Variants in TNFRSF21 observed in about 807,000 individuals in gnomAD.
TNFRSF21 encodes tumor necrosis factor receptor superfamily member 21.
A neutral mutation model predicts 45.6 loss-of-function variants in TNFRSF21; 19 were observed. The observed-to-expected ratio is 0.42, with a 90% confidence interval of 0.29 to 0.61. The LOEUF (loss-of-function observed/expected upper bound fraction) is 0.61, where lower values mean the gene tolerates loss of function less well. Ranked by LOEUF, TNFRSF21 falls within the 20% of genes least tolerant of loss-of-function variation. The pLI is 0.23. For missense variants in TNFRSF21, 737 were observed against 851.5 expected (o/e 0.87, Z 1.67); for synonymous variants, 314 against 335.5 (o/e 0.94, Z 0.70).
chr6:47,261,568 G>T (rs1765074469), intron 3 of TNFRSF21, among the ~76,000 whole-genome samples: 1 of 152,142 alleles, frequency 6.6e-6, no homozygotes, highest in South Asian at 2.1e-4. Flanking sequence ...TGAGAAGAAA[G>T]GACAACAGTT....
intron 3 of TNFRSF21, among the ~76,000 whole-genome samples, chr6:47,262,131 C>T (rs745611370): frequency 1.2e-4 from 18 of 151,828 alleles, no homozygotes; most frequent in Non-Finnish European, 1.8e-4. Flanking sequence ...TTGGGGACTA[C>T]TAAGAAAGAG....
At chr6:47,302,310 C>T (rs1287436988) in intron 1 of TNFRSF21, among the ~76,000 whole-genome samples, 3 of 152,130 alleles carry the variant, frequency 2.0e-5, no homozygotes, top group African/African-American at 4.8e-5. Context: ...GGTACAAGCC[C>T]GTGCACTTAC....
chr6:47,265,397 G>GTTTTGT (rs1561943733), intron 3 of TNFRSF21, among the ~76,000 whole-genome samples: 1 of 149,962 alleles, frequency 6.7e-6, no homozygotes, highest in Non-Finnish European at 1.5e-5. Flanking sequence ...GTTTTGTTTT[G>GTTTTGT]TTTTTTTTAA....
chr6:47,282,160 C>T (rs888344859), intron 3 of TNFRSF21, among the ~76,000 whole-genome samples: 26 of 151,948 alleles, frequency 1.7e-4, no homozygotes, highest in East Asian at 5.8e-4. Context: ...CCGAGGCGGG[C>T]GGATCACCTG....
chr6:47,276,964 C>T (rs1177353537), intron 3 of TNFRSF21, among the ~76,000 whole-genome samples: 1 of 152,032 alleles, frequency 6.6e-6, no homozygotes, highest in Non-Finnish European at 1.5e-5. Context: ...GTTGCTCCTA[C>T]CTAAGTACAG....
chr6:47,267,634 G>C (rs1762354727), intron 3 of TNFRSF21, among the ~76,000 whole-genome samples: 1 of 152,062 alleles, frequency 6.6e-6, no homozygotes, highest in Admixed American at 6.6e-5. Flanking sequence ...CTGGCCTTGT[G>C]GGAAAGAAAA....
At chr6:47,268,047 C>T (rs188487385) in intron 3 of TNFRSF21, among the ~76,000 whole-genome samples, 2 of 152,352 alleles carry the variant, frequency 1.3e-5, no homozygotes, top group Non-Finnish European at 2.9e-5. Flanking sequence ...CACACCTCCA[C>T]TCCTCCTTCT....
In TNFRSF21 at chr6:47,271,773, TCACACGCACA is replaced by T. The variant is rs1762423210; in HGVS notation, c.1243+12155_1243+12164del. 2.0e-5 allele frequency among the ~76,000 whole-genome samples: 3 copies of T among 152,008 alleles called. No homozygotes were observed. The South Asian group carries it at 6.2e-4, about 32-fold the overall frequency. ...TTGTGCTGTATTCAGGAGACCCATC[TCACACGCACA>T]CACACACATAGGCTCAAAATAAGGG... is the stretch of plus-strand genomic sequence containing the variant. On this transcript the variant is annotated intron_variant, in intron 3 of 5. Transcript: ENST00000296861.
chr6:47,304,177 A>G (rs1762907439), intron 1 of TNFRSF21, among the ~76,000 whole-genome samples: 1 of 152,162 alleles, frequency 6.6e-6, no homozygotes, highest in Admixed American at 6.5e-5. Flanking sequence ...GAAAGCCAAC[A>G]GAATATTAGT....
chr6:47,260,795 GCATCTAAGAGA>G (rs1157143501), intron 3 of TNFRSF21, among the ~76,000 whole-genome samples: 1 of 152,174 alleles, frequency 6.6e-6, no homozygotes, highest in Non-Finnish European at 1.5e-5. Context: ...CAGAATGGGT[GCATCTAAGAGA>G]CAGGTTTATA....
intron 5 of TNFRSF21, among the ~76,000 whole-genome samples, 158 bp from the exon 6 acceptor site, chr6:47,233,152 G>A (rs1401837525): frequency 6.6e-6 from 1 of 152,102 alleles, no homozygotes; most frequent in East Asian, 1.9e-4. Flanking sequence ...TGATCCTCTG[G>A]CACATTCGAA....
chr6:47,309,611 C>A lies in TNFRSF21; in HGVS notation c.-100G>T. On this transcript the variant is annotated 5_prime_UTR_variant, in exon 1 of 6. Coordinates refer to ENST00000296861, the MANE Select transcript of TNFRSF21 (RefSeq NM_014452.5). ...CCGCATCCACCGCCGCCTCCCGGGCCGGGAGCCCATCTACCTCCAACACCC... is the reference window on the plus strand; with the variant it reads ...CCGCATCCACCGCCGCCTCCCGGGCAGGGAGCCCATCTACCTCCAACACCC... The A allele has an allele frequency of 7.3e-7, 1 of 1,363,390 alleles. No homozygotes were observed. The highest frequency in any genetic ancestry group is 3.1e-5 in the East Asian group (1 of 32,318). The allele number at this position is 1,363,390 out of a possible 1,614,324, so 84.5% of individuals were successfully genotyped here. A position where few individuals can be genotyped will look rare whatever the true frequency, so the allele number is the denominator to read the frequency against.
At chr6:47,281,830 G>T (rs1488879226) in intron 3 of TNFRSF21, among the ~76,000 whole-genome samples, 2 of 142,344 alleles carry the variant, frequency 1.4e-5, no homozygotes, top group Admixed American at 6.8e-5. Flanking sequence ...CAAATAAAAA[G>T]ATTTTTTTTT....
chr6:47,245,819 C>T (rs1456379276), intron 4 of TNFRSF21, among the ~76,000 whole-genome samples: 2 of 152,136 alleles, frequency 1.3e-5, no homozygotes, highest in Middle Eastern at 3.2e-3. Context: ...CATATGCTCA[C>T]GGTTCTGCAA....
chr6:47,247,327 A>G lies in TNFRSF21; in HGVS notation c.1509+5929T>C, dbSNP rs998237598. ...CATGAATTAAGTAACTTGACCTTAA[A>G]TAACCCTCCATGCTGCAGTAACACA... is the stretch of plus-strand genomic sequence containing the variant. On this transcript the variant is annotated intron_variant, in intron 4 of 5. Coordinates refer to ENST00000296861, the MANE Select transcript of TNFRSF21 (RefSeq NM_014452.5). Among the ~76,000 whole-genome samples the G allele has an allele frequency of 2.0e-5, 3 of 152,332 alleles. No individual in the cohort carries two copies. The South Asian group carries it at 6.2e-4, about 32-fold the overall frequency.
At chr6:47,296,907 T>C (rs760201672) in intron 1 of TNFRSF21, among the ~76,000 whole-genome samples, 12 of 152,232 alleles carry the variant, frequency 7.9e-5, no homozygotes, top group Admixed American at 3.3e-4. Context: ...GTAAAGTGTT[T>C]CCCTGAGTTC....
At chr6:47,247,359 G>A (rs558057860) in intron 4 of TNFRSF21, among the ~76,000 whole-genome samples, 2 of 152,204 alleles carry the variant, frequency 1.3e-5, no homozygotes, top group African/African-American at 4.8e-5. Context: ...CACAGCAGAG[G>A]GCAGCTGCTA....
rs752886218 is a variant in TNFRSF21, at chr6:47,286,243, C to A, written c.449G>T (p.Cys150Phe). The stretch of plus-strand genomic sequence containing the variant: ...CTTCCGCACACCCCAACCCACAGGA[C>A]ACACCGTATGGGGGGCACAGGTAGC... ...SNATCAPHTV[C>F]PVGWGVRKKG... is the part of the protein sequence containing the mutation. Residue 150 changes from cysteine (C) to phenylalanine (F), a missense_variant, in exon 2 of 6, where the codon TGT becomes TTT. Physicochemically the swap from Cys to Phe is radical, Grantham distance 205. Transcript: ENST00000296861. 6.2e-7 allele frequency: 1 copy of A among 1,614,238 alleles called. No individual in the cohort carries two copies. The highest frequency in any genetic ancestry group is 1.7e-5 in the Admixed American group (1 of 60,034).
chr6:47,307,881 A>G (rs1271124525), intron 1 of TNFRSF21, among the ~76,000 whole-genome samples: 1 of 152,216 alleles, frequency 6.6e-6, no homozygotes, highest in African/African-American at 2.4e-5. Context: ...GAAACATAGT[A>G]GTGGATAGTA....
Sources: gnomAD v4.1 joint callset for allele counts (sites outside exome capture counted in the v4.1 genomes callset) on GRCh38, gnomAD v4.1.1 for gene constraint, MANE v1.5 for transcripts, NCBI Gene and HGNC (gene_info 2026-07-23, HGNC 2026-07-21) for gene names.